RABEP1: variants seen among roughly 807,000 people sequenced by gnomAD.
RABEP1 encodes the protein rab GTPase-binding effector protein 1.
In RABEP1, 51 loss-of-function variants were observed where a neutral mutation model predicts 123.4. That is an observed-to-expected ratio of 0.41 (90% CI 0.33 to 0.52). The LOEUF (loss-of-function observed/expected upper bound fraction) is 0.52. RABEP1 is among the 20% of genes least tolerant of loss of function. The probability of loss-of-function intolerance (pLI) is 0.16; values close to 1 mark genes in which losing one functional copy is unlikely to be tolerated. For missense variants in RABEP1, 888 were observed against 996.3 expected, an observed-to-expected ratio of 0.89 and a Z score of 1.46; for synonymous variants, 347 against 355.2, an observed-to-expected ratio of 0.98 and a Z score of 0.26.
At chr17:5,378,091 TG>T (rs1291260988) in intron 14 of RABEP1, 85 bp from the exon 15 acceptor site, 26 of 1,012,454 alleles carry the variant, frequency 2.6e-5, no homozygotes, top group East Asian at 4.9e-5. Flanking sequence ...TTGAATCCTT[TG>T]GGGGGTGCTC....
In RABEP1 at chr17:5,365,186, A is replaced by C; in HGVS notation, c.1733A>C (p.Lys578Thr). The change falls in exon 11 of 18, where the codon AAG (lysine) becomes ACG (threonine). Residue 578 changes from lysine to threonine, a missense_variant. Physicochemically the swap from Lys to Thr is moderately conservative, Grantham distance 78 (BLOSUM62 -1). Transcript: ENST00000537505. ...CAGTTAGAGAAGACAATGAAAGATA[A>C]GCAGGAGCTGGAAGACTTCATAAAG... is the stretch of plus-strand genomic sequence containing the variant. ...NDQLEKTMKD[K>T]QELEDFIKQS... The C allele has an allele frequency of 6.2e-7, 1 of 1,612,164 alleles. No individual in the cohort carries two copies. Among genetic ancestry groups the C allele is most frequent in the Non-Finnish European group, 8.5e-7 (1 of 1,179,202 alleles).
chr17:5,320,597 T>C (rs1312723561), intron 2 of RABEP1, among the ~76,000 whole-genome samples: 2 of 152,182 alleles, frequency 1.3e-5, no homozygotes. Context: ...TGTAGATACA[T>C]GTAAGTTGAG....
Position 5,383,437 on chromosome 17 carries a change from T to C in RABEP1, c.*214T>C, listed in dbSNP as rs546776496. The C allele has an allele frequency of 6.9e-5, 36 of 524,180 alleles. No individual in the cohort carries two copies. The highest frequency in any genetic ancestry group is 5.7e-4 in the African/African-American group (30 of 52,628). 32.5% of individuals were successfully genotyped at this position (524,180 alleles called of 1,614,324 possible). The stretch of plus-strand genomic sequence containing the variant: ...CCCAGAGACCTTCAAATGCGAACAC[T>C]ATAAACTCCAGGCTTGATTCCAACA... On this transcript the variant is annotated 3_prime_UTR_variant, in exon 18 of 18. Coordinates refer to ENST00000537505, the MANE Select transcript of RABEP1 (RefSeq NM_004703.6).
chr17:5,360,133 A>T (rs933786663), intron 8 of RABEP1, among the ~76,000 whole-genome samples: 11 of 152,198 alleles, frequency 7.2e-5, no homozygotes, highest in African/African-American at 2.7e-4. Flanking sequence ...AGTAACCACT[A>T]ACTTGCTTTA....
At chr17:5,329,373 A>G (rs948701846) in intron 2 of RABEP1, among the ~76,000 whole-genome samples, 1 of 152,076 alleles carries the variant, frequency 6.6e-6, no homozygotes, top group East Asian at 1.9e-4. Flanking sequence ...CTACTAAAAA[A>G]TACAAAAATT....
At chr17:5,307,550 A>G (rs185173233) in intron 1 of RABEP1, among the ~76,000 whole-genome samples, 15 of 152,316 alleles carry the variant, frequency 9.8e-5, no homozygotes, top group Non-Finnish European at 1.8e-4. Context: ...CTGCTGGCCT[A>G]AGTAGTTAGT....
chr17:5,282,460 C>T lies in RABEP1; in HGVS notation c.-27C>T. ...CAGGACGCCGCTTCCCCGCCCATCC[C>T]CGCTCCCCGAGGCCGGCCGCCTGGT... On this transcript the variant is annotated 5_prime_UTR_variant, in exon 1 of 18. Coordinates refer to ENST00000537505, the MANE Select transcript of RABEP1 (RefSeq NM_004703.6). The T allele has an allele frequency of 4.4e-6, 6 of 1,349,720 alleles. No individual in the cohort carries two copies. The highest frequency in any genetic ancestry group is 5.8e-6 in the Non-Finnish European group (6 of 1,042,988). 83.6% of individuals were successfully genotyped at this position (1,349,720 alleles called of 1,614,324 possible). A position where few individuals can be genotyped will look rare whatever the true frequency, so the allele number is the denominator to read the frequency against.
intron 17 of RABEP1, 54 bp downstream of exon 17, chr17:5,381,559 A>G (rs1182928676): frequency 6.4e-7 from 1 of 1,569,972 alleles, no homozygotes; most frequent in East Asian, 2.3e-5. Context: ...TGGGGGACAG[A>G]ACCTTGCCGA....
In RABEP1 at chr17:5,361,531, AAG is replaced by A; in HGVS notation, c.1422_1423del (p.Arg474SerfsTer31). ...SGFMLTKDQE[R>X]AIKAMTPEQE... The stretch of plus-strand genomic sequence containing the variant: ...GGTTTATGTTAACCAAAGATCAGGA[AAG>A]AGCAATCAAGGCGATGACACCAGAA... On this transcript the variant is annotated frameshift_variant, in exon 9 of 18. Coordinates refer to ENST00000537505, the MANE Select transcript of RABEP1 (RefSeq NM_004703.6). LOFTEE classifies it high-confidence loss of function. 6.2e-7 allele frequency: 1 copy of A among 1,614,232 alleles called. No homozygotes were observed. Among genetic ancestry groups the A allele is most frequent in the East Asian group, 2.2e-5 (1 of 44,892 alleles).
At chr17:5,324,188 C>T (rs1431810651) in intron 2 of RABEP1, among the ~76,000 whole-genome samples, 1 of 152,062 alleles carries the variant, frequency 6.6e-6, no homozygotes, top group Non-Finnish European at 1.5e-5. Flanking sequence ...TTAAAATTTA[C>T]TACAAAGCTA....
rs566044169 is a variant in RABEP1, at chr17:5,380,237, G to A, written c.2272-127G>A. ...AGAGGGGATCCACAGAGCTGAAAGGGTGAGAGGAGTATTCCCAGTGTAGCC... is the reference window on the plus strand; with the variant it reads ...AGAGGGGATCCACAGAGCTGAAAGGATGAGAGGAGTATTCCCAGTGTAGCC... On this transcript the variant is annotated intron_variant, in intron 15 of 17. Coordinates refer to ENST00000537505, the MANE Select transcript of RABEP1 (RefSeq NM_004703.6). 39 of 627,954 alleles carry A rather than the reference G, an allele frequency of 6.2e-5. No individual in the cohort carries two copies. The African/African-American group carries it at 6.4e-4, about 10-fold the overall frequency. The allele number at this position is 627,954 out of a possible 1,614,324, so 38.9% of individuals were successfully genotyped here. A position where few individuals can be genotyped will look rare whatever the true frequency, so the allele number is the denominator to read the frequency against.
intron 1 of RABEP1, among the ~76,000 whole-genome samples, chr17:5,299,400 A>G (rs534824811): frequency 6.7e-6 from 1 of 148,774 alleles, no homozygotes; most frequent in South Asian, 2.1e-4. Flanking sequence ...TTTTTTAAGC[A>G]GTTTTACTTA....
intron 1 of RABEP1, among the ~76,000 whole-genome samples, chr17:5,292,510 G>A (rs1424467179): frequency 3.3e-5 from 5 of 151,838 alleles, no homozygotes; most frequent in South Asian, 2.1e-4. Context: ...TCGGCCTCCC[G>A]AGTAGCTGGG....
At chr17:5,366,588 G>GGT (rs1910014412) in intron 11 of RABEP1, among the ~76,000 whole-genome samples, 1 of 151,948 alleles carries the variant, frequency 6.6e-6, no homozygotes, top group Non-Finnish European at 1.5e-5. Context: ...TGGGATTACA[G>GGT]GCACTTACCA....
intron 5 of RABEP1, among the ~76,000 whole-genome samples, chr17:5,341,873 T>A (rs1907644688): frequency 6.6e-6 from 1 of 152,226 alleles, no homozygotes; most frequent in Admixed American, 6.5e-5. Context: ...ATTTGACCAC[T>A]CAATAACTTA....
At chr17:5,338,946 C>T (rs1234060600) in intron 5 of RABEP1, among the ~76,000 whole-genome samples, 1 of 152,020 alleles carries the variant, frequency 6.6e-6, no homozygotes, top group Non-Finnish European at 1.5e-5. Flanking sequence ...TGCTTGTGCC[C>T]AGGAATTTGA....
At chr17:5,319,019 T>TG (rs1261552735) in intron 2 of RABEP1, among the ~76,000 whole-genome samples, 6 of 152,262 alleles carry the variant, frequency 3.9e-5, no homozygotes, top group African/African-American at 1.4e-4. Context: ...AATACATATA[T>TG]ACAATTACTA....
rs1305461359 is a variant in RABEP1, at chr17:5,375,116, T to TC, written c.2025+1664dup. On this transcript the variant is annotated intron_variant, in intron 13 of 17. Transcript: ENST00000537505. ...ACCTGTTTCTTTTTTTTTTTTTTTT[T>TC]CCTTTTTAAGGAAATCTTAGTAAGT... Among the ~76,000 whole-genome samples, 268 of 151,354 alleles carry TC rather than the reference T, an allele frequency of 1.8e-3. 2 individuals carry two copies. Among genetic ancestry groups the TC allele is most frequent in the African/African-American group, 6.4e-3 (263 of 41,326 alleles).
chr17:5,305,949 A>AATTAG (rs1335691405), intron 1 of RABEP1, among the ~76,000 whole-genome samples: 2 of 152,156 alleles, frequency 1.3e-5, no homozygotes, highest in Non-Finnish European at 2.9e-5. Flanking sequence ...CATTAGTGAC[A>AATTAG]TGGAACTCAA....
Sources: gnomAD v4.1 joint callset for allele counts (sites outside exome capture counted in the v4.1 genomes callset) on GRCh38, gnomAD v4.1.1 for gene constraint, MANE v1.5 for transcripts, NCBI Gene and HGNC (gene_info 2026-07-23, HGNC 2026-07-21) for gene names.